Variants in SLC38A6 observed in about 807,000 individuals in gnomAD.
SLC38A6 encodes solute carrier family 38 member 6.
Under a neutral mutation model 65.0 loss-of-function variants are expected in SLC38A6, and 73 were observed. That is an observed-to-expected ratio of 1.12 (90% CI 0.93 to 1.37). The LOEUF (loss-of-function observed/expected upper bound fraction) is 1.37, where lower values mean the gene tolerates loss of function less well. Ranked by LOEUF, SLC38A6 falls within the 40% of genes most tolerant of loss-of-function variation. SLC38A6 has a pLI of 0.00. For missense variants in SLC38A6, 561 were observed against 531.1 expected, an observed-to-expected ratio of 1.06 and a Z score of -0.55; for synonymous variants, 183 against 178.8, an observed-to-expected ratio of 1.02 and a Z score of -0.19.
chr14:60,983,788 T>G (rs1958280), intron 2 of SLC38A6, among the ~76,000 whole-genome samples: 141,283 of 152,196 alleles, frequency 0.93, 65,998 homozygotes, highest in Non-Finnish European at 0.99. Context: ...CAGAGGACTT[T>G]TTTTTTGATT....
At chr14:60,996,023 G>A (rs1251123543) in intron 3 of SLC38A6, among the ~76,000 whole-genome samples, 1 of 152,128 alleles carries the variant, frequency 6.6e-6, no homozygotes, top group African/African-American at 2.4e-5. Context: ...TGTAAATTAT[G>A]GACTTTGTGT....
chr14:61,034,927 G>T (rs1322923726), intron 6 of SLC38A6, among the ~76,000 whole-genome samples: 1 of 152,170 alleles, frequency 6.6e-6, no homozygotes, highest in Non-Finnish European at 1.5e-5. Context: ...CTGTTAAAGA[G>T]GAAGTTGTCA....
intron 3 of SLC38A6, among the ~76,000 whole-genome samples, chr14:60,995,644 G>C (rs2038233889): frequency 6.6e-6 from 1 of 152,108 alleles, no homozygotes; most frequent in South Asian, 2.1e-4. Context: ...AGGGAAGGAA[G>C]GGAGGGAGGA....
At chr14:61,009,811 T>C (rs961102934) in intron 3 of SLC38A6, among the ~76,000 whole-genome samples, 2 of 152,252 alleles carry the variant, frequency 1.3e-5, no homozygotes, top group Non-Finnish European at 2.9e-5. Context: ...TTCCAAGTCT[T>C]TGCTATTGTG....
intron 15 of SLC38A6, among the ~76,000 whole-genome samples, chr14:61,077,998 T>C (rs1157970915): frequency 6.6e-6 from 1 of 152,238 alleles, no homozygotes; most frequent in Non-Finnish European, 1.5e-5. Context: ...CACAAAGCAT[T>C]GTTAGGTAGG....
intron 5 of SLC38A6, 105 bp from the exon 6 acceptor site, chr14:61,030,340 T>C (rs1465147): frequency 0.66 from 459,466 of 693,020 alleles, 154,490 homozygotes; most frequent in Non-Finnish European, 0.69. Flanking sequence ...TAATCTTCCA[T>C]ATGTTGTCAT....
chr14:61,078,931 T>C (rs1231736865), intron 16 of SLC38A6: 3 of 164,254 alleles, frequency 1.8e-5, no homozygotes, highest in Non-Finnish European at 3.9e-5. Flanking sequence ...ACTACAGGTA[T>C]GCGCCACCAT....
chr14:61,008,230 A>G (rs1595049499), intron 3 of SLC38A6, among the ~76,000 whole-genome samples: 2 of 152,182 alleles, frequency 1.3e-5, no homozygotes, highest in African/African-American at 4.8e-5. Context: ...TCGTTGATCA[A>G]TTCTGATAAT....
At chr14:61,066,107 C>A (rs553717340) in intron 15 of SLC38A6, among the ~76,000 whole-genome samples, 2 of 152,176 alleles carry the variant, frequency 1.3e-5, no homozygotes, top group East Asian at 3.9e-4. Context: ...AATTTTTGAC[C>A]TTAGAACATT....
intron 3 of SLC38A6, among the ~76,000 whole-genome samples, chr14:61,006,105 T>C (rs1248234141): frequency 6.6e-6 from 1 of 152,148 alleles, no homozygotes; most frequent in Non-Finnish European, 1.5e-5. Flanking sequence ...TAAATGGTGC[T>C]GGGAAAACTG....
intron 3 of SLC38A6, among the ~76,000 whole-genome samples, chr14:61,004,965 A>G (rs939102692): frequency 6.6e-6 from 1 of 152,292 alleles, no homozygotes. Context: ...TGAATCCAGC[A>G]GCACATCAAA....
In SLC38A6 at chr14:61,048,109, A is replaced by G. The variant is rs149218875; in HGVS notation, c.925+1942A>G. The G allele has an allele frequency of 1.5e-3, 678 of 451,396 alleles. 4 individuals carry two copies. The highest frequency in any genetic ancestry group is 0.012 in the African/African-American group (611 of 49,902). 28.0% of individuals were successfully genotyped at this position (451,396 alleles called of 1,614,324 possible). On this transcript the variant is annotated intron_variant, in intron 12 of 15. Transcript: ENST00000267488. ...GATATTGATTTGCTCTTGGATTGTG[A>G]ATCATAACCAAGAAAAACCTTTGAT...
intron 3 of SLC38A6, among the ~76,000 whole-genome samples, chr14:61,014,979 A>T (rs960327559): frequency 6.6e-6 from 1 of 152,136 alleles, no homozygotes; most frequent in Non-Finnish European, 1.5e-5. Flanking sequence ...CTGCCCCTAG[A>T]GGTGGAGTCT....
At chr14:61,027,896 C>T (rs1428665569) in intron 5 of SLC38A6, among the ~76,000 whole-genome samples, 1 of 151,734 alleles carries the variant, frequency 6.6e-6, no homozygotes, top group Non-Finnish European at 1.5e-5. Flanking sequence ...AAAATATATA[C>T]TAACATTCTC....
chr14:61,033,836 C>T (rs894984364), intron 6 of SLC38A6, among the ~76,000 whole-genome samples: 4 of 152,028 alleles, frequency 2.6e-5, no homozygotes, highest in African/African-American at 4.8e-5. Context: ...AAATGATTAA[C>T]GATAACCAGT....
intron 3 of SLC38A6, among the ~76,000 whole-genome samples, chr14:60,996,863 A>T (rs2038329607): frequency 6.6e-6 from 1 of 152,224 alleles, no homozygotes; most frequent in African/African-American, 2.4e-5. Context: ...CTGGGGGGAA[A>T]TGATTTTAAT....
intron 3 of SLC38A6, among the ~76,000 whole-genome samples, chr14:61,014,546 G>A (rs192835865): frequency 3.4e-4 from 51 of 152,218 alleles, no homozygotes; most frequent in African/African-American, 8.9e-4. Context: ...TGATGGTGAC[G>A]TACAGGTGGG....
At chr14:61,014,681 A>G (rs1017475679) in intron 3 of SLC38A6, among the ~76,000 whole-genome samples, 3 of 152,188 alleles carry the variant, frequency 2.0e-5, no homozygotes, top group South Asian at 2.1e-4. Context: ...TATCAGCAGC[A>G]GAGGCTGCAG....
Position 61,052,585 on chromosome 14 carries a change from TGGC to T in SLC38A6, c.*157_*159del. 9.0e-7 allele frequency: 1 copy of T among 1,109,838 alleles called. No individual in the cohort carries two copies. 68.7% of individuals were successfully genotyped at this position (1,109,838 alleles called of 1,614,324 possible). A position where few individuals can be genotyped will look rare whatever the true frequency, so the allele number is the denominator to read the frequency against. On this transcript the variant is annotated 3_prime_UTR_variant, in exon 16 of 16. Coordinates refer to ENST00000267488, the MANE Select transcript of SLC38A6 (RefSeq NM_153811.3). ...CAGTGGGTATGGGGAAGTAAGAGTG[TGGC>T]AGTTTTAATCAAAAAAAGAAACAAA...
Sources: allele counts gnomAD v4.1 joint callset (sites outside exome capture counted in the v4.1 genomes callset), GRCh38; gene constraint gnomAD v4.1.1; transcripts MANE v1.5; gene names NCBI Gene and HGNC (gene_info 2026-07-23, HGNC 2026-07-21).